The following AP1S2 variants were observed in gnomAD, a reference collection of about 807,000 sequenced individuals.
AP1S2 encodes the protein AP-1 complex subunit sigma-2.
Under a neutral mutation model 14.3 loss-of-function variants are expected in AP1S2, and 1 was observed. That is an observed-to-expected ratio of 0.07 (90% CI 0.02 to 0.33). The LOEUF (loss-of-function observed/expected upper bound fraction) is 0.33. Ranked by LOEUF, AP1S2 falls within the 10% of genes least tolerant of loss-of-function variation. The probability of loss-of-function intolerance (pLI) is 0.99; values close to 1 mark genes in which losing one functional copy is unlikely to be tolerated. For synonymous variants in AP1S2, 30 were observed against 40.5 expected (o/e 0.74, Z 0.99); for missense variants, 30 against 117.7 (o/e 0.25, Z 3.45).
At chrX:15,848,499 C>T (rs1406759502) in intron 2 of AP1S2, among the ~76,000 whole-genome samples, 2 of 111,217 alleles carry the variant, frequency 1.8e-5, no homozygotes, top group East Asian at 2.8e-4. Context: ...AAAATGTGCT[C>T]GAAACAATAT....
intron 4 of AP1S2, among the ~76,000 whole-genome samples, chrX:15,834,218 A>C: frequency 9.6e-6 from 1 of 104,067 alleles, no homozygotes; most frequent in Admixed American, 1.1e-4. Context: ...TCCTCAAGCT[A>C]TACACCCCTC....
At chrX:15,835,494 CAG>C (rs780533920) in intron 4 of AP1S2, among the ~76,000 whole-genome samples, 10 of 111,882 alleles carry the variant, frequency 8.9e-5, no homozygotes, top group Non-Finnish European at 1.5e-4. Flanking sequence ...AATGAAAAAA[CAG>C]AAGAATTGAA....
rs1161066866 is a variant in AP1S2, at chrX:15,834,439, A to AATATATATATATATAT, written c.427-6255_427-6240dup. ...ATTCCACTCCCATTCTCCCTTCCAA[A>AATATATATATATATAT]ATATATATATATATATATATATATA... On this transcript the variant is annotated intron_variant, in intron 4 of 5. Transcript: ENST00000672987. Among the ~76,000 whole-genome samples, 90 of 25,074 alleles carry AATATATATATATATAT rather than the reference A, an allele frequency of 3.6e-3. 3 individuals are homozygous for AATATATATATATATAT. The highest frequency in any genetic ancestry group is 4.1e-3 in the Non-Finnish European group (57 of 13,869). The allele number at this position is 25,074 out of a possible 115,157, so 21.8% of individuals were successfully genotyped here.
At chrX:15,828,611 C>T (rs887850555) in intron 4 of AP1S2, among the ~76,000 whole-genome samples, 1 of 110,569 alleles carries the variant, frequency 9.0e-6, no homozygotes, top group African/African-American at 3.3e-5. Flanking sequence ...AAGAGTCTAA[C>T]CTATGAAGTA....
At chrX:15,837,153 GT>G (rs1933667514) in intron 4 of AP1S2, among the ~76,000 whole-genome samples, 1 of 111,603 alleles carries the variant, frequency 9.0e-6, no homozygotes, top group African/African-American at 3.3e-5. Flanking sequence ...CTAAATTAGG[GT>G]TTTTCAAAGG....
At chrX:15,832,944 A>C (rs928246394) in intron 4 of AP1S2, 131 of 1,112,236 alleles carry the variant, frequency 1.2e-4, no homozygotes, top group Non-Finnish European at 1.4e-4. Flanking sequence ...GTACTCCAGC[A>C]CGTATTCTAG....
Position 15,827,278 on chromosome X carries a change from C to T in AP1S2, c.*47G>A, listed in dbSNP as rs376685147. 8.4e-5 allele frequency: 91 copies of T among 1,089,219 alleles called. No individual in the cohort carries two copies. The African/African-American group carries it at 8.8e-4, about 10-fold the overall frequency. The allele number at this position is 1,089,219 out of a possible 1,213,427, so 89.8% of individuals were successfully genotyped here. A position where few individuals can be genotyped will look rare whatever the true frequency, so the allele number is the denominator to read the frequency against. The stretch of plus-strand genomic sequence containing the variant: ...ACATGGACATGAAGGGAGTGACCAT[C>T]TACAGTGTGTGAAATGCCACAAGAA... On this transcript the variant is annotated 3_prime_UTR_variant, in exon 6 of 6. Transcript: ENST00000672987.
At chrX:15,834,481 A>ATATATATATATATAAT (rs1569080380) in intron 4 of AP1S2, among the ~76,000 whole-genome samples, 17 of 12,996 alleles carry the variant, frequency 1.3e-3, no homozygotes, top group South Asian at 7.9e-3. Context: ...TATATATATA[A>ATATATATATATATAAT]TTTTTTTTTT....
intron 4 of AP1S2, chrX:15,833,651 C>T (rs1933501672): frequency 1.6e-5 from 4 of 255,471 alleles, no homozygotes; most frequent in Non-Finnish European, 2.2e-5. Flanking sequence ...TTAAGGACCA[C>T]TTAACATTTA....
chrX:15,848,997 G>T (rs1934084889), intron 2 of AP1S2, among the ~76,000 whole-genome samples: 1 of 111,903 alleles, frequency 8.9e-6, no homozygotes, highest in Non-Finnish European at 1.9e-5. Context: ...AATTTTAAAA[G>T]ACCTTAATCC....
At chrX:15,835,143 CTG>C (rs1167492199) in intron 4 of AP1S2, among the ~76,000 whole-genome samples, 1 of 112,352 alleles carries the variant, frequency 8.9e-6, no homozygotes, top group African/African-American at 3.2e-5. Flanking sequence ...ATATCTATGA[CTG>C]AATGCCTAAA....
chrX:15,837,511 C>T (rs1933679660), intron 4 of AP1S2, among the ~76,000 whole-genome samples: 1 of 110,558 alleles, frequency 9.0e-6, no homozygotes, highest in Non-Finnish European at 1.9e-5. Flanking sequence ...ATCCTACAAG[C>T]CTTGCTGTAG....
rs374652740 is a variant in AP1S2 at position 15,850,158 on chromosome X, C to A, written c.179+2188G>T. On this transcript the variant is annotated intron_variant, in intron 2 of 5. Coordinates refer to ENST00000672987, the MANE Select transcript of AP1S2 (RefSeq NM_001272071.2). Reference sequence around the variant, plus strand: ...GAATGCTGGTGATCTAATACTTTGTCTTATTTTCCCCAGACTTCCATACTT... The same window carrying A: ...GAATGCTGGTGATCTAATACTTTGTATTATTTTCCCCAGACTTCCATACTT... Among the ~76,000 whole-genome samples, 26 of 110,956 alleles carry A rather than the reference C, an allele frequency of 2.3e-4. No individual in the cohort carries two copies. In the East Asian group the frequency reaches 6.2e-3, roughly 27 times the overall value.
intron 4 of AP1S2, chrX:15,840,607 G>A: frequency 1.1e-6 from 1 of 927,480 alleles, no homozygotes; most frequent in Non-Finnish European, 1.4e-6. Flanking sequence ...AAATTAAGGA[G>A]CAGAGAAAAA....
chrX:15,827,871 T>C (rs997968276), intron 5 of AP1S2, among the ~76,000 whole-genome samples: 7 of 111,390 alleles, frequency 6.3e-5, no homozygotes, highest in Non-Finnish European at 1.3e-4. Context: ...AACAGCTATC[T>C]TCCCAGACCT....
At chrX:15,850,829 C>T (rs1193250209) in intron 2 of AP1S2, among the ~76,000 whole-genome samples, 1 of 111,198 alleles carries the variant, frequency 9.0e-6, no homozygotes, top group Non-Finnish European at 1.9e-5. Context: ...GATCTTTTTC[C>T]AGCCCTGTTT....
intron 3 of AP1S2, 106 bp downstream of exon 3, chrX:15,845,797 T>C: frequency 1.4e-6 from 1 of 734,263 alleles, no homozygotes; most frequent in Non-Finnish European, 2.1e-6. Flanking sequence ...ATTCCCACCC[T>C]CTCCCGCGGT....
chrX:15,828,249 C>G lies in AP1S2; in HGVS notation c.427-49G>C, dbSNP rs749504275. ...AAGGAGAAGAGAAATTATATTAAAC[C>G]ATAAATCTTTAGAATATTAATTGCA... On this transcript the variant is annotated intron_variant, in intron 4 of 5. Coordinates refer to ENST00000672987, the MANE Select transcript of AP1S2 (RefSeq NM_001272071.2). The G allele has an allele frequency of 9.9e-6, 10 of 1,010,611 alleles. No homozygotes were observed. In the East Asian group the frequency reaches 3.5e-4, roughly 35 times the overall value. The allele number at this position is 1,010,611 out of a possible 1,213,427, so 83.3% of individuals were successfully genotyped here. A position where few individuals can be genotyped will look rare whatever the true frequency, so the allele number is the denominator to read the frequency against.
intron 2 of AP1S2, among the ~76,000 whole-genome samples, chrX:15,850,518 ATT>A (rs11355576): frequency 2.3e-3 from 224 of 95,866 alleles, no homozygotes; most frequent in East Asian, 8.0e-3. Context: ...CGCCCAGCTA[ATT>A]TTTTTTTTTT....
Sources: gnomAD v4.1 joint callset for allele counts (sites outside exome capture counted in the v4.1 genomes callset) on GRCh38, gnomAD v4.1.1 for gene constraint, MANE v1.5 for transcripts, NCBI Gene and HGNC (gene_info 2026-07-23, HGNC 2026-07-21) for gene names.